Variants in PLD1 observed in about 807,000 individuals in gnomAD.
PLD1 encodes choline phosphatase 1.
In PLD1, 112 loss-of-function variants were observed where a neutral mutation model predicts 137.1. The observed-to-expected ratio is 0.82, with a 90% CI of 0.70 to 0.96. PLD1 has a LOEUF of 0.96. Ranked by LOEUF, PLD1 falls within the 40% of genes least tolerant of loss-of-function variation. The pLI, the probability that PLD1 is intolerant of heterozygous loss-of-function variation, is 0.00. For synonymous variants in PLD1, 431 were observed against 454.7 expected, an observed-to-expected ratio of 0.95 and a Z score of 0.66; for missense variants, 1,321 against 1,342.0, an observed-to-expected ratio of 0.98 and a Z score of 0.24.
At chr3:171,661,234 G>C (rs1437804837) in intron 20 of PLD1, among the ~76,000 whole-genome samples, 1 of 152,114 alleles carries the variant, frequency 6.6e-6, no homozygotes. Flanking sequence ...TTGCTGTGCA[G>C]AGCGGGAGAG....
chr3:171,612,298 GT>G lies in PLD1; in HGVS notation c.2862del (p.Leu955PhefsTer24). On this transcript the variant is annotated frameshift_variant, in exon 25 of 27. Coordinates refer to ENST00000351298, the MANE Select transcript of PLD1 (RefSeq NM_002662.5). LOFTEE classifies it high-confidence loss of function. The surrounding 1 kb of genome is among the most constrained non-coding windows in gnomAD (Gnocchi z 4.1). ...ACTGACCTAAAGCACTGTAGCCGAA[GT>G]CCTCGGGCAAACCGGCCAGCTTGGT... ...KEYQAGRFAR[G>X]LRLQCFRVVL... 1 of 1,614,090 alleles carries G rather than the reference GT, an allele frequency of 6.2e-7. No homozygotes were observed. The highest frequency in any genetic ancestry group is 8.5e-7 in the Non-Finnish European group (1 of 1,179,974).
At chr3:171,766,449 G>A (rs1721981077) in intron 1 of PLD1, among the ~76,000 whole-genome samples, 1 of 152,044 alleles carries the variant, frequency 6.6e-6, no homozygotes, top group African/African-American at 2.4e-5. Flanking sequence ...TATTGTCTCT[G>A]TAAGCATAAC....
intron 23 of PLD1, among the ~76,000 whole-genome samples, chr3:171,635,482 G>A (rs2108346322): frequency 6.6e-6 from 1 of 152,192 alleles, no homozygotes; most frequent in African/African-American, 2.4e-5. Flanking sequence ...CTGTGAGGTT[G>A]TATTGTGGGT....
chr3:171,684,168 G>C (rs1170896144), intron 16 of PLD1, among the ~76,000 whole-genome samples: 1 of 152,110 alleles, frequency 6.6e-6, no homozygotes, highest in Non-Finnish European at 1.5e-5. Flanking sequence ...CCTGGGGTAG[G>C]CGTGAGTTAC....
At chr3:171,770,505 T>C (rs931965418) in intron 1 of PLD1, among the ~76,000 whole-genome samples, 1 of 151,970 alleles carries the variant, frequency 6.6e-6, no homozygotes, top group Non-Finnish European at 1.5e-5. Context: ...CTACTTAACG[T>C]TTCAAAAAAT....
At chr3:171,617,943 G>T (rs762024848) in intron 24 of PLD1, among the ~76,000 whole-genome samples, 1 of 151,724 alleles carries the variant, frequency 6.6e-6, no homozygotes, top group African/African-American at 2.4e-5. Context: ...TCTCAAACTC[G>T]TCTCTGAGAA....
Position 171,612,303 on chromosome 3 carries a change from C to CG in PLD1, c.2857dup (p.Arg953ProfsTer9). On this transcript the variant is annotated frameshift_variant, in exon 25 of 27. Transcript: ENST00000351298. LOFTEE classifies it high-confidence loss of function. This position sits in a 1 kb window ranked among gnomAD's most constrained non-coding sequence, Gnocchi z 4.1. ...CCTAAAGCACTGTAGCCGAAGTCCT[C>CG]GGGCAAACCGGCCAGCTTGGTACTC... is the stretch of plus-strand genomic sequence containing the variant. 1 of 1,614,114 alleles carries CG rather than the reference C, an allele frequency of 6.2e-7. No homozygotes were observed. Among genetic ancestry groups the CG allele is most frequent in the Non-Finnish European group, 8.5e-7 (1 of 1,179,990 alleles).
chr3:171,703,380 CAGA>C (rs1716406394), intron 11 of PLD1, among the ~76,000 whole-genome samples: 1 of 152,114 alleles, frequency 6.6e-6, no homozygotes, highest in African/African-American at 2.4e-5. Context: ...CAGATTAGAA[CAGA>C]AGAAGTAAAA....
intron 20 of PLD1, among the ~76,000 whole-genome samples, chr3:171,661,310 T>C (rs1374418796): frequency 6.6e-6 from 1 of 152,176 alleles, no homozygotes; most frequent in African/African-American, 2.4e-5. Flanking sequence ...CATTCCCCTA[T>C]CTACCTTTAA....
chr3:171,686,123 CAAAAAAA>C (rs370165481), intron 16 of PLD1, among the ~76,000 whole-genome samples: 1 of 74,384 alleles, frequency 1.3e-5, no homozygotes, highest in African/African-American at 5.3e-5. Context: ...GACTCTATCT[CAAAAAAA>C]AAAAAAAAAA....
chr3:171,687,320 T>C (rs377246122), intron 15 of PLD1, 51 bp downstream of exon 15: 2 of 1,442,808 alleles, frequency 1.4e-6, no homozygotes, highest in Non-Finnish European at 2.0e-6. Flanking sequence ...TGTCTGGCTA[T>C]GGAAGAACAG....
At chr3:171,707,691 T>C (rs1303725744) in intron 11 of PLD1, among the ~76,000 whole-genome samples, 2 of 152,132 alleles carry the variant, frequency 1.3e-5, no homozygotes, top group Non-Finnish European at 2.9e-5. Flanking sequence ...CATCTAGCAA[T>C]GTATGAAGAT....
At position 171,680,747 on chromosome 3, in the gene PLD1, C is replaced by A. The variant is rs1202138872; in HGVS notation, c.1868-3053G>T. 3.3e-5 allele frequency among the ~76,000 whole-genome samples: 5 copies of A among 152,206 alleles called. No homozygotes were observed. In the South Asian group the frequency reaches 1.0e-3, roughly 32 times the overall value. ...TTTCTGCTGTCTGTGTGTAGTAACT[C>A]AAGCTCAAACCTCGGAATCACCTTT... On this transcript the variant is annotated intron_variant, in intron 16 of 26. Coordinates refer to ENST00000351298, the MANE Select transcript of PLD1 (RefSeq NM_002662.5).
At chr3:171,710,336 C>T (rs1042601404) in intron 9 of PLD1, among the ~76,000 whole-genome samples, 1 of 152,132 alleles carries the variant, frequency 6.6e-6, no homozygotes, top group African/African-American at 2.4e-5. Context: ...TCTGGGATTA[C>T]AGGCGTGGTC....
At chr3:171,709,241 A>C (rs1716951664) in intron 10 of PLD1, among the ~76,000 whole-genome samples, 1 of 152,262 alleles carries the variant, frequency 6.6e-6, no homozygotes, top group Non-Finnish European at 1.5e-5. Flanking sequence ...TCTAGCAAGT[A>C]AATGCTTTTT....
chr3:171,687,939 T>A (rs902080738), intron 14 of PLD1, among the ~76,000 whole-genome samples: 12 of 152,226 alleles, frequency 7.9e-5, no homozygotes, highest in African/African-American at 2.9e-4. Context: ...CCTCTGTCAA[T>A]CATTTTCCCT....
intron 23 of PLD1, among the ~76,000 whole-genome samples, chr3:171,637,711 C>T (rs1396391101): frequency 6.6e-6 from 1 of 152,086 alleles, no homozygotes; most frequent in Non-Finnish European, 1.5e-5. Flanking sequence ...CTACACAAAT[C>T]ATATAGTCTA....
At chr3:171,610,482 A>G (rs1432236083) in intron 25 of PLD1, among the ~76,000 whole-genome samples, 1 of 152,218 alleles carries the variant, frequency 6.6e-6, no homozygotes, top group Admixed American at 6.5e-5. Context: ...AGATGAATTT[A>G]ATTTTCTTAC....
chr3:171,711,701 G>T (rs1869647), intron 9 of PLD1, among the ~76,000 whole-genome samples: 40,982 of 151,464 alleles, frequency 0.27, 5,969 homozygotes, highest in Admixed American at 0.32. Flanking sequence ...CTACCACAAG[G>T]GAATCAGTCA....
Sources: gnomAD v4.1 joint callset for allele counts (sites outside exome capture counted in the v4.1 genomes callset) on GRCh38, gnomAD v4.1.1 for gene constraint, Gnocchi (gnomAD v3.1) non-coding constraint, MANE v1.5 for transcripts, NCBI Gene and HGNC (gene_info 2026-07-23, HGNC 2026-07-21) for gene names.